The following TIPARP variants were observed in gnomAD, a reference collection of about 807,000 sequenced individuals.
The protein encoded by TIPARP is protein mono-ADP-ribosyltransferase TIPARP.
TIPARP carries 12 observed loss-of-function variants against 56.5 expected under a neutral mutation model. That is an observed-to-expected ratio of 0.21 (90% CI 0.14 to 0.34). TIPARP has a LOEUF of 0.34. Among genes scored for constraint, TIPARP ranks in the 10% least tolerant of loss-of-function variants. TIPARP has a pLI of 1.00. For synonymous variants in TIPARP, 296 were observed against 265.7 expected (o/e 1.11, Z -1.11); for missense variants, 604 against 781.6 (o/e 0.77, Z 2.71).
chr3:156,679,386 C>T (rs1402801150), intron 2 of TIPARP, among the ~76,000 whole-genome samples: 1 of 19,118 alleles, frequency 5.2e-5, no homozygotes, highest in African/African-American at 1.5e-4. Context: ...CTGGTATTTC[C>T]ACATCTGAAT....
At chr3:156,700,448 AG>A (rs775973656) in intron 4 of TIPARP, among the ~76,000 whole-genome samples, 14 of 152,212 alleles carry the variant, frequency 9.2e-5, no homozygotes, top group Admixed American at 2.0e-4. Flanking sequence ...AAAAAAAAAT[AG>A]GTGTTAAAGA....
chr3:156,695,189 C>A (rs534098775), intron 3 of TIPARP, among the ~76,000 whole-genome samples: 3 of 124,526 alleles, frequency 2.4e-5, no homozygotes, highest in African/African-American at 9.3e-5. Context: ...TTATATACCA[C>A]CACCTTTTCA....
intron 4 of TIPARP, among the ~76,000 whole-genome samples, chr3:156,697,568 C>A (rs1173603843): frequency 1.3e-5 from 2 of 151,996 alleles, no homozygotes; most frequent in African/African-American, 4.8e-5. Context: ...TATTGTACTT[C>A]ACAGATAATT....
chr3:156,676,883 G>A (rs1577032346), intron 1 of TIPARP, among the ~76,000 whole-genome samples: 4 of 152,188 alleles, frequency 2.6e-5, no homozygotes, highest in Admixed American at 1.3e-4. Flanking sequence ...CTGAAGGCAA[G>A]AACTAGGAGG....
At chr3:156,703,338 A>G in intron 4 of TIPARP, 86 bp from the exon 5 acceptor site, 1 of 1,336,904 alleles carries the variant, frequency 7.5e-7, no homozygotes, top group Admixed American at 2.3e-5. Flanking sequence ...TTATAATATT[A>G]AGTAGACACT....
rs754461717 is a variant in TIPARP, at chr3:156,678,021, T to A, written c.324T>A (p.Ser108=). The change falls in exon 2 of 6, where the codon TCT becomes TCA. Residue 108 remains serine, a synonymous_variant. Transcript: ENST00000295924. Reference sequence around the variant, plus strand: ...GCCCACCAGCAGAAAATAATATGTCTGTTCTGATTCCTGATAGGACAAATG... The same window carrying A: ...GCCCACCAGCAGAAAATAATATGTCAGTTCTGATTCCTGATAGGACAAATG... ...SSCPPAENNM[S]VLIPDRTNVG... is the part of the protein sequence containing the mutation. 1.2e-6 allele frequency: 2 copies of A among 1,614,122 alleles called. No homozygotes were observed. The highest frequency in any genetic ancestry group is 2.2e-5 in the South Asian group (2 of 91,084).
At chr3:156,688,958 G>C (rs1441775944) in intron 2 of TIPARP, among the ~76,000 whole-genome samples, 1 of 152,094 alleles carries the variant, frequency 6.6e-6, no homozygotes, top group Non-Finnish European at 1.5e-5. Flanking sequence ...AAAATAAAAG[G>C]ACACTACTAA....
chr3:156,687,843 C>T (rs909301788), intron 2 of TIPARP, among the ~76,000 whole-genome samples: 4 of 152,162 alleles, frequency 2.6e-5, no homozygotes, highest in Admixed American at 1.3e-4. Flanking sequence ...TGATTTCAGA[C>T]AGCATCCTTC....
At chr3:156,675,094 G>C (rs1722081688) in intron 1 of TIPARP, 1 of 152,294 alleles carries the variant, frequency 6.6e-6, no homozygotes, top group Non-Finnish European at 1.5e-5. Context: ...TTCCCCGTTC[G>C]TCAGGGTGGG....
intron 2 of TIPARP, chr3:156,681,067 G>A (rs1321867672): frequency 2.2e-6 from 1 of 447,928 alleles, no homozygotes; most frequent in Non-Finnish European, 4.5e-6. Context: ...AAGTTGACTT[G>A]TGGTCATTGC....
Position 156,705,135 on chromosome 3 carries a change from A to T in TIPARP, c.*4A>T. The T allele has an allele frequency of 7.1e-7, 1 of 1,415,140 alleles. No homozygotes were observed. The highest frequency in any genetic ancestry group is 9.4e-7 in the Non-Finnish European group (1 of 1,062,720). 87.7% of individuals were successfully genotyped at this position (1,415,140 alleles called of 1,614,324 possible). A position where few individuals can be genotyped will look rare whatever the true frequency, so the allele number is the denominator to read the frequency against. ...CAGTAACACTGTTTCCATTTGAAAAATCTTGGTACTGCTAAATTATTTGAT... is the reference window on the plus strand; with the variant it reads ...CAGTAACACTGTTTCCATTTGAAAATTCTTGGTACTGCTAAATTATTTGAT... On this transcript the variant is annotated 3_prime_UTR_variant, in exon 6 of 6. Coordinates refer to ENST00000295924, the MANE Select transcript of TIPARP (RefSeq NM_015508.5).
rs1559978068 is a variant in TIPARP at position 156,704,686 on chromosome 3, A to G, written c.1529A>G (p.Lys510Arg). Residue 510 changes from lysine to arginine, a missense_variant and splice_region_variant, in exon 6 of 6, where the codon AAA becomes AGA. Transcript: ENST00000295924. ...TCTCTGTCTGTTCTTTCCATTAGGA[A>G]AAAGGAATATATGAACAGGAAAATG... ...NQFLWEKYKR[K>R]KEYMNRKMFG... 6.2e-7 allele frequency: 1 copy of G among 1,610,336 alleles called. No individual in the cohort carries two copies.
intron 1 of TIPARP, among the ~76,000 whole-genome samples, chr3:156,676,171 A>G (rs1379599533): frequency 6.6e-6 from 1 of 152,216 alleles, no homozygotes; most frequent in Non-Finnish European, 1.5e-5. Context: ...ACACCAAATG[A>G]TGAATAATAA....
chr3:156,699,206 T>G (rs550306824), intron 4 of TIPARP, among the ~76,000 whole-genome samples: 222 of 152,332 alleles, frequency 1.5e-3, no homozygotes, highest in Non-Finnish European at 2.9e-3. Flanking sequence ...GAATATTACA[T>G]CAACTTAGTT....
Position 156,678,041 on chromosome 3 carries a change from C to G in TIPARP, c.344C>G (p.Thr115Arg), listed in dbSNP as rs1270890303. The G allele has an allele frequency of 6.2e-7, 1 of 1,613,988 alleles. No individual in the cohort carries two copies. The highest frequency in any genetic ancestry group is 8.5e-7 in the Non-Finnish European group (1 of 1,180,042). ...NNMSVLIPDR[T>R]NVGDQIPEAH... Reference sequence around the variant, plus strand: ...ATGTCTGTTCTGATTCCTGATAGGACAAATGTTGGGGACCAGATACCGGAA... The same window carrying G: ...ATGTCTGTTCTGATTCCTGATAGGAGAAATGTTGGGGACCAGATACCGGAA... Residue 115 changes from threonine (T) to arginine (R), a missense_variant, in exon 2 of 6, where the codon ACA becomes AGA. This residue lies in a region of TIPARP where 261 missense variants were observed against 279.2 expected (regional missense o/e 0.93). Transcript: ENST00000295924.
At chr3:156,704,276 C>T (rs1157177036) in intron 5 of TIPARP, among the ~76,000 whole-genome samples, 4 of 152,168 alleles carry the variant, frequency 2.6e-5, no homozygotes, top group Non-Finnish European at 4.4e-5. Flanking sequence ...CCCAGGCCGT[C>T]TGGCACCAGA....
chr3:156,700,076 TTTTTA>T (rs1272576374), intron 4 of TIPARP, among the ~76,000 whole-genome samples: 1 of 151,808 alleles, frequency 6.6e-6, no homozygotes, highest in Non-Finnish European at 1.5e-5. Flanking sequence ...TTTTAAAACT[TTTTTA>T]TTTTTTTATT....
At chr3:156,697,937 A>G (rs1387360544) in intron 4 of TIPARP, among the ~76,000 whole-genome samples, 4 of 152,212 alleles carry the variant, frequency 2.6e-5, no homozygotes, top group Non-Finnish European at 5.9e-5. Flanking sequence ...AACATTAGCC[A>G]AGTTGTGAAT....
chr3:156,698,791 A>T (rs1039830882), intron 4 of TIPARP, among the ~76,000 whole-genome samples: 6 of 152,228 alleles, frequency 3.9e-5, no homozygotes, highest in Admixed American at 3.9e-4. Flanking sequence ...GTAAGGCTAT[A>T]GCTGCCATAC....
Sources: allele counts gnomAD v4.1 joint callset (sites outside exome capture counted in the v4.1 genomes callset), GRCh38; gene constraint gnomAD v4.1.1; regional missense constraint gnomAD v4.1.1; transcripts MANE v1.5; gene names NCBI Gene and HGNC (gene_info 2026-07-23, HGNC 2026-07-21).